The following NAALADL2 variants were observed in gnomAD, a reference collection of about 807,000 sequenced individuals.
NAALADL2 encodes inactive N-acetylated-alpha-linked acidic dipeptidase-like protein 2.
In NAALADL2, 76 loss-of-function variants were observed where a neutral mutation model predicts 87.2. The ratio of observed to expected loss-of-function variants is 0.87; its 90% confidence interval spans 0.72 to 1.05. The LOEUF (loss-of-function observed/expected upper bound fraction) is 1.05, where lower values mean the gene tolerates loss of function less well. NAALADL2 is among the 50% of genes least tolerant of loss of function. NAALADL2 has a pLI of 0.00. For missense variants in NAALADL2, 1,089 were observed against 945.8 expected, an observed-to-expected ratio of 1.15 and a Z score of -1.99; for synonymous variants, 354 against 331.0, an observed-to-expected ratio of 1.07 and a Z score of -0.75.
At chr3:175,713,131 T>C (rs1561019430) in intron 11 of NAALADL2, among the ~76,000 whole-genome samples, 1 of 152,102 alleles carries the variant, frequency 6.6e-6, no homozygotes, top group Non-Finnish European at 1.5e-5. Context: ...TATTTTCATA[T>C]AAAAACTCTG....
At chr3:174,540,927 C>G (rs1578125583) in intron 1 of NAALADL2, among the ~76,000 whole-genome samples, 1 of 152,038 alleles carries the variant, frequency 6.6e-6, no homozygotes, top group African/African-American at 2.4e-5. Flanking sequence ...ATAGCTACTG[C>G]GCAACTATGT....
intron 10 of NAALADL2, among the ~76,000 whole-genome samples, chr3:175,596,939 G>T (rs1722324636): frequency 6.6e-6 from 1 of 151,864 alleles, no homozygotes; most frequent in African/African-American, 2.4e-5. Context: ...TAATACTATG[G>T]CCTGCTAAGC....
Position 174,618,770 on chromosome 3 carries a change from T to G in NAALADL2, c.-115+68133T>G, listed in dbSNP as rs551911753. Among the ~76,000 whole-genome samples, 3 of 152,062 alleles carry G rather than the reference T, an allele frequency of 2.0e-5. No homozygotes were observed. The South Asian group carries it at 6.2e-4, about 31-fold the overall frequency. ...AATTTTTTTATAGTATCTTTTCTTC[T>G]CCCAGCTACTTTAAGACTTAATTTT... On this transcript the variant is annotated intron_variant, in intron 2 of 3. Transcript: ENST00000434257.
chr3:175,360,139 A>G (rs952905609), intron 5 of NAALADL2, among the ~76,000 whole-genome samples: 1 of 152,164 alleles, frequency 6.6e-6, no homozygotes, highest in Non-Finnish European at 1.5e-5. Flanking sequence ...ATCAGTATTT[A>G]GTGTTATTGC....
chr3:174,829,628 C>T (rs1348228821), intron 3 of NAALADL2, among the ~76,000 whole-genome samples: 1 of 143,608 alleles, frequency 7.0e-6, no homozygotes, highest in Non-Finnish European at 1.5e-5. Flanking sequence ...TGGGCATATA[C>T]CCAGTAATGG....
intron 7 of NAALADL2, among the ~76,000 whole-genome samples, chr3:175,464,648 T>A (rs540564802): frequency 1.3e-5 from 2 of 152,120 alleles, no homozygotes; most frequent in South Asian, 4.1e-4. Flanking sequence ...TTCCATGACT[T>A]TAGTAAAATT....
intron 9 of NAALADL2, among the ~76,000 whole-genome samples, chr3:175,506,431 ACT>A (rs1455451813): frequency 2.0e-5 from 3 of 152,128 alleles, no homozygotes; most frequent in Non-Finnish European, 4.4e-5. Flanking sequence ...ATCATCTTCC[ACT>A]CTCTAAATGT....
At chr3:175,757,257 C>T (rs1054404666) in intron 13 of NAALADL2, among the ~76,000 whole-genome samples, 1 of 151,878 alleles carries the variant, frequency 6.6e-6, no homozygotes, top group Non-Finnish European at 1.5e-5. Flanking sequence ...ATCTTAATTA[C>T]ATATAAGAAA....
chr3:175,077,317 C>G (rs1024211981), intron 1 of NAALADL2, among the ~76,000 whole-genome samples: 2 of 152,108 alleles, frequency 1.3e-5, no homozygotes, highest in African/African-American at 4.8e-5. Context: ...TTTAGTGTGG[C>G]TTTGTTTGAC....
chr3:175,191,892 T>C (rs1738263664), intron 2 of NAALADL2, among the ~76,000 whole-genome samples: 1 of 152,136 alleles, frequency 6.6e-6, no homozygotes, highest in South Asian at 2.1e-4. Flanking sequence ...AGTATCCCCA[T>C]GGAAAGCTTC....
intron 10 of NAALADL2, among the ~76,000 whole-genome samples, chr3:175,591,338 G>T (rs1721421034): frequency 6.6e-6 from 1 of 152,058 alleles, no homozygotes; most frequent in African/African-American, 2.4e-5. Context: ...AGTCACATAG[G>T]CTTAGAAGTT....
intron 1 of NAALADL2, among the ~76,000 whole-genome samples, chr3:175,071,311 G>C (rs1049893149): frequency 4.6e-5 from 7 of 152,000 alleles, no homozygotes; most frequent in Admixed American, 2.6e-4. Context: ...TGCTATTATA[G>C]GTCATGTATT....
intron 2 of NAALADL2, among the ~76,000 whole-genome samples, chr3:174,629,313 G>A (rs1183594753): frequency 6.6e-6 from 1 of 152,120 alleles, no homozygotes; most frequent in Non-Finnish European, 1.5e-5. Flanking sequence ...CTTATGATGA[G>A]GTCTGAACAA....
chr3:174,823,822 T>G (rs1247664939), intron 3 of NAALADL2, among the ~76,000 whole-genome samples: 1 of 152,202 alleles, frequency 6.6e-6, no homozygotes, highest in Non-Finnish European at 1.5e-5. Flanking sequence ...GCTATTCTCC[T>G]GCCTCAGCCT....
intron 1 of NAALADL2, among the ~76,000 whole-genome samples, chr3:175,040,811 G>GT (rs1431218549): frequency 1.3e-5 from 2 of 152,070 alleles, no homozygotes; most frequent in Non-Finnish European, 2.9e-5. Context: ...TCATGCTTCT[G>GT]TTTTTTCCAA....
intron 9 of NAALADL2, chr3:175,487,584 T>C: frequency 2.2e-6 from 1 of 454,406 alleles, no homozygotes; most frequent in South Asian, 1.6e-5. Context: ...AGCTCTTATA[T>C]GAAGAGAATT....
chr3:175,022,599 G>A (rs9878945), intron 1 of NAALADL2, among the ~76,000 whole-genome samples: 23,983 of 151,950 alleles, frequency 0.16, 2,409 homozygotes, highest in East Asian at 0.26. Flanking sequence ...AAACCCAGTT[G>A]AAGCTCAGTT....
At chr3:174,521,726 T>A (rs2108414037) in intron 1 of NAALADL2, among the ~76,000 whole-genome samples, 1 of 152,082 alleles carries the variant, frequency 6.6e-6, no homozygotes, top group African/African-American at 2.4e-5. Context: ...AAGTGGGAGC[T>A]AAATGATGAG....
intron 3 of NAALADL2, among the ~76,000 whole-genome samples, chr3:174,781,768 C>T (rs939500409): frequency 1.3e-4 from 20 of 151,950 alleles, no homozygotes; most frequent in Admixed American, 1.1e-3. Context: ...ACCCTGGTGA[C>T]AGTCATGATT....
Sources: gnomAD v4.1 joint callset for allele counts (sites outside exome capture counted in the v4.1 genomes callset) on GRCh38, gnomAD v4.1.1 for gene constraint, MANE v1.5 for transcripts, NCBI Gene and HGNC (gene_info 2026-07-23, HGNC 2026-07-21) for gene names.